FBXO34: variants seen among roughly 807,000 people sequenced by gnomAD.
The protein encoded by FBXO34 is F-box only protein 34.
FBXO34 carries 12 observed loss-of-function variants against 24.5 expected under a neutral mutation model. That is an observed-to-expected ratio of 0.49 (90% CI 0.31 to 0.79). The LOEUF is 0.79. Ranked by LOEUF, FBXO34 falls within the 30% of genes least tolerant of loss-of-function variation. The probability of loss-of-function intolerance (pLI) is 0.04; values close to 1 mark genes in which losing one functional copy is unlikely to be tolerated. For missense variants in FBXO34, 823 were observed against 857.7 expected (o/e 0.96, Z 0.51); for synonymous variants, 320 against 311.9 (o/e 1.03, Z -0.27).
At chr14:55,373,082 C>T (rs1884854140), downstream of FBXO34, among the ~76,000 whole-genome samples, 3 of 152,168 alleles carry the variant, frequency 2.0e-5, no homozygotes. Context: ...ACCTGCCTGC[C>T]AGACCCCAAG....
chr14:55,303,596 CT>C lies in FBXO34; in HGVS notation c.-11+32073del, dbSNP rs77688856. Among the ~76,000 whole-genome samples, 461 of 139,178 alleles carry C rather than the reference CT, an allele frequency of 3.3e-3. 5 individuals carry two copies. Among genetic ancestry groups the C allele is most frequent in the East Asian group, 0.02 (95 of 4,842 alleles). The allele number at this position is 139,178 out of a possible 152,430, so 91.3% of individuals were successfully genotyped here. On this transcript the variant is annotated intron_variant, in intron 1 of 1. Transcript: ENST00000313833. ...GACAACTCCCCTCTCCCATTCTTAT[CT>C]TTTTTTTTTTTTTAATAGTTGTAAA...
the FBXO34 span, among the ~76,000 whole-genome samples, chr14:55,391,984 A>C: frequency 2.6e-5 from 4 of 152,152 alleles, no homozygotes; most frequent in Non-Finnish European, 5.9e-5. Flanking sequence ...TAGGTTCAGC[A>C]CCCCCTAAAG....
the FBXO34 span, chr14:55,380,581 G>A: frequency 6.2e-7 from 1 of 1,605,076 alleles, no homozygotes; most frequent in Middle Eastern, 1.7e-4. Context: ...GCCTGTTGCA[G>A]AGCTTTTTGG....
chr14:55,344,862 C>CA (rs1884109005), intron 1 of FBXO34, among the ~76,000 whole-genome samples: 1 of 152,196 alleles, frequency 6.6e-6, no homozygotes, highest in Admixed American at 6.5e-5. Context: ...CATGGGCTCT[C>CA]ACAGCACCCT....
At chr14:55,279,851 A>G (rs1474149717) in intron 1 of FBXO34, among the ~76,000 whole-genome samples, 3 of 152,244 alleles carry the variant, frequency 2.0e-5, no homozygotes, top group African/African-American at 7.2e-5. Context: ...AGGATCTGGA[A>G]GAATTTGCTA....
chr14:55,377,173 C>G, the FBXO34 span, among the ~76,000 whole-genome samples: 2 of 152,012 alleles, frequency 1.3e-5, no homozygotes, highest in Non-Finnish European at 2.9e-5. Context: ...ATGATGAAAC[C>G]CTGTCTCTAC....
chr14:55,414,895 A>C, the FBXO34 span, among the ~76,000 whole-genome samples: 1 of 152,348 alleles, frequency 6.6e-6, no homozygotes, highest in Non-Finnish European at 1.5e-5. Flanking sequence ...TTTAAATTTT[A>C]GTTTAAAATT....
At position 55,297,057 on chromosome 14, in the gene FBXO34, C is replaced by A. The variant is rs1882160634; in HGVS notation, c.-11+25520C>A. Among the ~76,000 whole-genome samples, 3 of 152,132 alleles carry A rather than the reference C, an allele frequency of 2.0e-5. 1 individual carries two copies. The South Asian group carries it at 6.2e-4, about 32-fold the overall frequency. The stretch of plus-strand genomic sequence containing the variant: ...TAATCTTAGGATGCAAATGTACTTT[C>A]CCCTTGACCGGCGTCATTTTGGCTG... On this transcript the variant is annotated intron_variant, in intron 1 of 1. Coordinates refer to ENST00000313833, the MANE Select transcript of FBXO34 (RefSeq NM_017943.4).
the FBXO34 span, chr14:55,397,292 T>C: frequency 8.4e-7 from 1 of 1,196,694 alleles, no homozygotes; most frequent in Non-Finnish European, 1.2e-6. Context: ...AATCCGTATA[T>C]CTGCATACCA....
At chr14:55,299,568 T>TC (rs1197886837) in intron 1 of FBXO34, among the ~76,000 whole-genome samples, 1 of 151,974 alleles carries the variant, frequency 6.6e-6, no homozygotes, top group Non-Finnish European at 1.5e-5. Context: ...AAAGATATTT[T>TC]CCCCCCATAA....
downstream of FBXO34, chr14:55,369,441 A>G: frequency 3.6e-6 from 2 of 548,248 alleles, no homozygotes; most frequent in Non-Finnish European, 5.9e-6. Context: ...GTTGGTCACC[A>G]TCACAGGCCA....
the FBXO34 span, among the ~76,000 whole-genome samples, chr14:55,397,943 C>CTTT: frequency 5.9e-3 from 622 of 105,454 alleles, 2 homozygotes; most frequent in African/African-American, 0.011. Flanking sequence ...TGCAGTAATT[C>CTTT]TTTTTTTTTT....
At chr14:55,314,673 A>G (rs1882867259) in intron 1 of FBXO34, among the ~76,000 whole-genome samples, 1 of 152,232 alleles carries the variant, frequency 6.6e-6, no homozygotes, top group African/African-American at 2.4e-5. Flanking sequence ...TTGTTGTAGA[A>G]AAATTGGAGA....
Position 55,350,410 on chromosome 14 carries a change from G to A in FBXO34, c.20G>A (p.Trp7Ter). The change falls in exon 2 of 2, where the codon TGG (tryptophan) becomes TAG (stop). Residue 7 changes from tryptophan (W) to a stop codon, truncating the protein, a stop_gained. Transcript: ENST00000313833. LOFTEE classifies it low-confidence loss of function (END_TRUNC). MHLKPYWKLQKKEHPPE... is the reference protein window; with the variant it reads MHLKPY ...TTTGTTATGCACCTAAAGCCATATT[G>A]GAAGCTCCAGAAGAAAGAGCACCCC... 4 of 1,584,832 alleles carry A rather than the reference G, an allele frequency of 2.5e-6. No homozygotes were observed. Among genetic ancestry groups the A allele is most frequent in the Non-Finnish European group, 3.4e-6 (4 of 1,169,798 alleles).
chr14:55,312,623 C>G (rs1435172832), intron 1 of FBXO34, among the ~76,000 whole-genome samples: 1 of 152,260 alleles, frequency 6.6e-6, no homozygotes, highest in African/African-American at 2.4e-5. Flanking sequence ...GGTGGAGGTT[C>G]TCAAACCTCA....
chr14:55,436,756 C>G, the FBXO34 span: 9 of 1,614,206 alleles, frequency 5.6e-6, no homozygotes, highest in Non-Finnish European at 7.6e-6. Context: ...GTCCTGTTCG[C>G]TGGGTGATGG....
the FBXO34 span, among the ~76,000 whole-genome samples, chr14:55,387,324 T>C: frequency 3.3e-5 from 5 of 152,218 alleles, no homozygotes; most frequent in East Asian, 9.6e-4. Flanking sequence ...TGGAACCACT[T>C]GAACGTATGG....
At chr14:55,365,767 T>C (rs1303900568), downstream of FBXO34, among the ~76,000 whole-genome samples, 2 of 152,292 alleles carry the variant, frequency 1.3e-5, no homozygotes, top group African/African-American at 4.8e-5. Flanking sequence ...CCTGCCAGCC[T>C]TCTGCTCCAG....
intron 1 of FBXO34, among the ~76,000 whole-genome samples, chr14:55,323,163 C>T (rs1447793330): frequency 4.1e-5 from 4 of 97,120 alleles, no homozygotes; most frequent in Non-Finnish European, 5.6e-5. Flanking sequence ...CCAGCCTGGG[C>T]GACAGAGTGA....
Sources: gnomAD v4.1 joint callset for allele counts (sites outside exome capture counted in the v4.1 genomes callset) on GRCh38, gnomAD v4.1.1 for gene constraint, MANE v1.5 for transcripts, NCBI Gene and HGNC (gene_info 2026-07-23, HGNC 2026-07-21) for gene names.